The following SMIM7 variants were observed in gnomAD, a reference collection of about 807,000 sequenced individuals.
The protein encoded by SMIM7 is small integral membrane protein 7, also known as UPF0608 protein C19orf42.
SMIM7 carries 12 observed loss-of-function variants against 13.3 expected under a neutral mutation model. That is an observed-to-expected ratio of 0.90 (90% confidence interval 0.58 to 1.46). The LOEUF (loss-of-function observed/expected upper bound fraction) is 1.46, where lower values mean the gene tolerates loss of function less well. Among genes scored for constraint, SMIM7 ranks in the 40% most tolerant of loss-of-function variants. SMIM7 has a pLI of 0.00. For missense variants in SMIM7, 114 were observed against 94.8 expected, an observed-to-expected ratio of 1.20 and a Z score of -0.84; for synonymous variants, 36 against 35.8, an observed-to-expected ratio of 1.01 and a Z score of -0.02.
chr19:16,648,619 TAAG>T (rs957074374), intron 4 of SMIM7, among the ~76,000 whole-genome samples: 11 of 152,180 alleles, frequency 7.2e-5, no homozygotes, highest in South Asian at 2.1e-4. Context: ...CAGAGAATCT[TAAG>T]AAGACATTTC....
At chr19:16,642,969 G>A (rs182128527), downstream of SMIM7, among the ~76,000 whole-genome samples, 10 of 151,810 alleles carry the variant, frequency 6.6e-5, no homozygotes, top group African/African-American at 2.4e-4. Context: ...GATTACAGGC[G>A]TGCGCCACCA....
exon 5 of SMIM7, chr19:16,630,951 ACGAGATAATTCCT>A (rs2086317606): frequency 6.6e-6 from 1 of 152,222 alleles, no homozygotes; most frequent in South Asian, 2.1e-4. Context: ...AAGATGCGGC[ACGAGATAATTCCT>A]CTTGCTGTGA....
intron 4 of SMIM7, among the ~76,000 whole-genome samples, chr19:16,639,736 T>C (rs1186724341): frequency 1.3e-5 from 2 of 152,112 alleles, no homozygotes; most frequent in African/African-American, 4.8e-5. Context: ...CTAGTGATAG[T>C]AAGTTCTCAC....
intron 2 of SMIM7, 136 bp downstream of exon 2, chr19:16,659,823 A>C: frequency 8.8e-7 from 1 of 1,132,446 alleles, no homozygotes; most frequent in East Asian, 2.6e-5. Flanking sequence ...ACCAGGCTGG[A>C]GGCGTGCCCA....
intron 4 of SMIM7, chr19:16,634,777 TAAAAAAAAA>T (rs71334627): frequency 8.8e-5 from 4 of 45,404 alleles, no homozygotes; most frequent in African/African-American, 2.5e-4. Context: ...GACTCTGTCT[TAAAAAAAAA>T]AAAAAAAAAA....
intron 4 of SMIM7, among the ~76,000 whole-genome samples, chr19:16,635,599 T>C (rs879662586): frequency 3.2e-4 from 48 of 151,480 alleles, no homozygotes; most frequent in African/African-American, 9.9e-4. Context: ...ATCAAGAGAG[T>C]AGCCAGGTGC....
At chr19:16,639,926 C>T (rs1330676335) in intron 4 of SMIM7, 1 of 152,052 alleles carries the variant, frequency 6.6e-6, no homozygotes, top group African/African-American at 2.4e-5. Context: ...ATAAATTACC[C>T]AGTCTCAGGC....
intron 2 of SMIM7, 22 bp downstream of exon 2, chr19:16,659,937 A>G: frequency 6.2e-7 from 1 of 1,604,880 alleles, no homozygotes; most frequent in South Asian, 1.1e-5. Context: ...ATGGAGCCGC[A>G]GTCCGGCCGC....
chr19:16,653,419 G>A (rs1224980944), intron 4 of SMIM7, among the ~76,000 whole-genome samples: 1 of 151,958 alleles, frequency 6.6e-6, no homozygotes, highest in Non-Finnish European at 1.5e-5. Context: ...CCTGTCTCTT[G>A]TAAAAATACA....
At chr19:16,653,568 G>A in intron 4 of SMIM7, 1 of 162,842 alleles carries the variant, frequency 6.1e-6, no homozygotes, top group Non-Finnish European at 1.3e-5. Context: ...GGGCAACAGA[G>A]CAAGACTCGA....
chr19:16,644,499 C>T (rs148216176), downstream of SMIM7, among the ~76,000 whole-genome samples: 13 of 151,286 alleles, frequency 8.6e-5, no homozygotes, highest in East Asian at 1.9e-4. Flanking sequence ...TGCACTGGCA[C>T]GATCTCAGCT....
chr19:16,632,249 G>T (rs1437470767), intron 4 of SMIM7, among the ~76,000 whole-genome samples: 1 of 152,050 alleles, frequency 6.6e-6, no homozygotes, highest in African/African-American at 2.4e-5. Flanking sequence ...CTAGAGATGA[G>T]TTTCATAGTT....
intron 4 of SMIM7, among the ~76,000 whole-genome samples, chr19:16,635,726 A>G (rs2086353821): frequency 6.6e-6 from 1 of 151,432 alleles, no homozygotes; most frequent in South Asian, 2.1e-4. Flanking sequence ...TAAGAGAACG[A>G]CAAAAAATTT....
At chr19:16,654,007 G>C (rs375119537) in intron 4 of SMIM7, 28 bp downstream of exon 4, 42 of 1,599,388 alleles carry the variant, frequency 2.6e-5, no homozygotes, top group Non-Finnish European at 3.5e-5. Flanking sequence ...AGAGACGACA[G>C]TGAAAGGAAA....
chr19:16,633,989 T>C (rs1227693728), intron 4 of SMIM7: 1 of 152,196 alleles, frequency 6.6e-6, no homozygotes, highest in Non-Finnish European at 1.5e-5. Context: ...ATATGTATTG[T>C]TTCCCAGCCA....
At chr19:16,642,854 C>T (rs2086413836), downstream of SMIM7, among the ~76,000 whole-genome samples, 1 of 145,192 alleles carries the variant, frequency 6.9e-6, no homozygotes, top group Non-Finnish European at 1.5e-5. Context: ...GACAGAGTCT[C>T]ACTCTGTCAC....
intron 2 of SMIM7, chr19:16,659,724 A>G: frequency 1.5e-6 from 1 of 661,188 alleles, no homozygotes; most frequent in Non-Finnish European, 2.6e-6. Context: ...ATGGGGCTTA[A>G]GCTCTCCAGG....
chr19:16,643,466 G>A (rs530478403), downstream of SMIM7, among the ~76,000 whole-genome samples: 3 of 152,166 alleles, frequency 2.0e-5, no homozygotes, highest in South Asian at 4.1e-4. Flanking sequence ...TGCACCACTC[G>A]GCTCACTGTA....
intron 4 of SMIM7, among the ~76,000 whole-genome samples, chr19:16,638,244 A>G (rs2086374898): frequency 1.3e-5 from 2 of 151,240 alleles, no homozygotes; most frequent in South Asian, 2.1e-4. Context: ...TCCAGCCTGG[A>G]TGACAGAGAT....
Sources: gnomAD v4.1 joint callset for allele counts (sites outside exome capture counted in the v4.1 genomes callset) on GRCh38, gnomAD v4.1.1 for gene constraint, MANE v1.5 for transcripts, NCBI Gene and HGNC (gene_info 2026-07-23, HGNC 2026-07-21) for gene names.